CACNA1E: variants seen among roughly 807,000 people sequenced by gnomAD.
The protein encoded by CACNA1E is calcium voltage-gated channel subunit alpha1 E.
Under a neutral mutation model 259.2 loss-of-function variants are expected in CACNA1E, and 40 were observed. The ratio of observed to expected loss-of-function variants is 0.15; its 90% confidence interval spans 0.12 to 0.20. The LOEUF (loss-of-function observed/expected upper bound fraction) is 0.20, where lower values mean the gene tolerates loss of function less well. Ranked by LOEUF, CACNA1E falls within the 10% of genes least tolerant of loss-of-function variation. The pLI, the probability that CACNA1E is intolerant of heterozygous loss-of-function variation, is 1.00. For synonymous variants in CACNA1E, 1,104 were observed against 1,138.5 expected, an observed-to-expected ratio of 0.97 and a Z score of 0.61; for missense variants, 1,874 against 3,040.1, an observed-to-expected ratio of 0.62 and a Z score of 9.02.
At position 181,356,341 on chromosome 1, in the gene CACNA1E, C is replaced by CGTGTGT. The variant is rs141071408; in HGVS notation, c.-15+38235_-15+38240dup. Reference sequence around the variant, plus strand: ...TATTCCCTGGCTGTTGCCTTCTATTCGTGTGTGTGTGTGTGTGTGTGTTCA... The same window carrying CGTGTGT: ...TATTCCCTGGCTGTTGCCTTCTATTCGTGTGTGTGTGTGTGTGTGTGTGTGTGTTCA... On this transcript the variant is annotated intron_variant, in intron 1 of 11. Transcript: ENST00000524607. Among the ~76,000 whole-genome samples the CGTGTGT allele has an allele frequency of 2.6e-4, 38 of 147,080 alleles. No homozygotes were observed. The South Asian group carries it at 4.6e-3, about 18-fold the overall frequency.
In CACNA1E at chr1:181,737,416, G is replaced by A. The variant is rs2280866; in HGVS notation, c.3423-109G>A. 0.41 allele frequency: 542,541 copies of A among 1,317,528 alleles called. 114,946 individuals carry two copies. Among genetic ancestry groups the A allele is most frequent in the Non-Finnish European group, 0.45 (430,606 of 966,426 alleles). The allele number at this position is 1,317,528 out of a possible 1,614,324, so 81.6% of individuals were successfully genotyped here. On this transcript the variant is annotated intron_variant, in intron 22 of 47. Coordinates refer to ENST00000367573, the MANE Select transcript of CACNA1E (RefSeq NM_001205293.3). Reference sequence around the variant, plus strand: ...TTGCTCTCCCTGGCGGCTTCCTTTGGCAAGGGCCTGGCTGTCTGGAAGGGG... The same window carrying A: ...TTGCTCTCCCTGGCGGCTTCCTTTGACAAGGGCCTGGCTGTCTGGAAGGGG...
intron 3 of CACNA1E, 102 bp downstream of exon 3, chr1:181,511,612 T>A: frequency 7.5e-7 from 1 of 1,328,334 alleles, no homozygotes; most frequent in Non-Finnish European, 1.1e-6. Flanking sequence ...CAGCAATCTG[T>A]AGAGTAGGGG....
intron 44 of CACNA1E, among the ~76,000 whole-genome samples, chr1:181,791,766 T>C (rs776084201): frequency 6.6e-6 from 1 of 152,078 alleles, no homozygotes; most frequent in Non-Finnish European, 1.5e-5. Flanking sequence ...TTCCATATCA[T>C]TTAAATTCTG....
At chr1:181,785,095 C>T (rs1007013402) in intron 41 of CACNA1E, among the ~76,000 whole-genome samples, 3 of 152,144 alleles carry the variant, frequency 2.0e-5, no homozygotes, top group Admixed American at 2.0e-4. Context: ...AGTATCGTCA[C>T]CATCACTAGG....
intron 1 of CACNA1E, among the ~76,000 whole-genome samples, chr1:181,509,880 G>T (rs1285516241): frequency 1.3e-5 from 2 of 152,230 alleles, no homozygotes; most frequent in Non-Finnish European, 2.9e-5. Context: ...TCCCCCAGAA[G>T]TACATTGCTG....
chr1:181,658,788 G>A (rs1659415973), intron 7 of CACNA1E, among the ~76,000 whole-genome samples: 1 of 152,198 alleles, frequency 6.6e-6, no homozygotes, highest in South Asian at 2.1e-4. Flanking sequence ...ATTTTAAGGA[G>A]TGTTCACAAT....
intron 7 of CACNA1E, among the ~76,000 whole-genome samples, chr1:181,709,800 C>T (rs1653156779): frequency 6.6e-6 from 1 of 152,066 alleles, no homozygotes; most frequent in African/African-American, 2.4e-5. Context: ...GCCTGCAGCT[C>T]TTTATGGGGA....
chr1:181,382,832 T>G (rs931659269), intron 1 of CACNA1E, among the ~76,000 whole-genome samples: 4 of 152,160 alleles, frequency 2.6e-5, no homozygotes, highest in Non-Finnish European at 5.9e-5. Flanking sequence ...GCTGATCTGG[T>G]CTTATCTTGC....
At chr1:181,458,500 G>T (rs767913783) in intron 2 of CACNA1E, among the ~76,000 whole-genome samples, 1 of 152,194 alleles carries the variant, frequency 6.6e-6, no homozygotes, top group Non-Finnish European at 1.5e-5. Flanking sequence ...GGCAAGAACC[G>T]CAAGGGAACA....
At chr1:181,506,382 G>C (rs1665712204) in intron 1 of CACNA1E, among the ~76,000 whole-genome samples, 1 of 152,180 alleles carries the variant, frequency 6.6e-6, no homozygotes, top group South Asian at 2.1e-4. Flanking sequence ...AGCCTGCAAG[G>C]GTGGGAGTGA....
At chr1:181,477,179 C>T (rs1417023403) in intron 2 of CACNA1E, among the ~76,000 whole-genome samples, 2 of 148,588 alleles carry the variant, frequency 1.3e-5, no homozygotes, top group African/African-American at 5.0e-5. Context: ...ACATCCTAAA[C>T]ATTCATGCTG....
At chr1:181,661,981 G>A (rs1437576905) in intron 7 of CACNA1E, among the ~76,000 whole-genome samples, 12 of 152,158 alleles carry the variant, frequency 7.9e-5, no homozygotes, top group Admixed American at 7.9e-4. Flanking sequence ...AAATGAACAG[G>A]TCCTCCATGA....
chr1:181,457,048 G>T (rs141186784), intron 2 of CACNA1E, among the ~76,000 whole-genome samples: 5 of 152,330 alleles, frequency 3.3e-5, no homozygotes, highest in African/African-American at 1.2e-4. Context: ...CTATAATAAA[G>T]TACCACAAAG....
At chr1:181,616,801 ACTTT>A (rs1216629356) in intron 6 of CACNA1E, among the ~76,000 whole-genome samples, 1 of 152,096 alleles carries the variant, frequency 6.6e-6, no homozygotes, top group African/African-American at 2.4e-5. Context: ...TGAGGTTCAA[ACTTT>A]CTTTGTTTTG....
At chr1:181,498,793 C>T (rs79296070) in intron 1 of CACNA1E, among the ~76,000 whole-genome samples, 2,790 of 152,290 alleles carry the variant, frequency 0.018, 90 homozygotes, top group African/African-American at 0.063. Context: ...CACATTTTCT[C>T]TTCTTTCCTC....
chr1:181,522,242 A>C (rs1050551327), intron 3 of CACNA1E, among the ~76,000 whole-genome samples: 2 of 152,150 alleles, frequency 1.3e-5, no homozygotes, highest in Admixed American at 6.5e-5. Flanking sequence ...ACCAAAACCC[A>C]GTCTACAGAC....
At chr1:181,786,632 T>C (rs1660870705) in intron 43 of CACNA1E, among the ~76,000 whole-genome samples, 1 of 152,226 alleles carries the variant, frequency 6.6e-6, no homozygotes, top group Non-Finnish European at 1.5e-5. Flanking sequence ...TCTCATAACA[T>C]TATATTTCGA....
At chr1:181,655,197 G>T (rs1251527837) in intron 7 of CACNA1E, among the ~76,000 whole-genome samples, 2 of 152,006 alleles carry the variant, frequency 1.3e-5, no homozygotes, top group South Asian at 2.1e-4. Context: ...TTATAGCAGG[G>T]TGATATAAGG....
chr1:181,324,614 G>A (rs1407125983), intron 1 of CACNA1E, among the ~76,000 whole-genome samples: 3 of 152,112 alleles, frequency 2.0e-5, no homozygotes, highest in Admixed American at 6.5e-5. Flanking sequence ...AATGTAAATC[G>A]GGAGTTCAAA....
Sources: allele counts gnomAD v4.1 joint callset (sites outside exome capture counted in the v4.1 genomes callset), GRCh38; gene constraint gnomAD v4.1.1; transcripts MANE v1.5; gene names NCBI Gene and HGNC (gene_info 2026-07-23, HGNC 2026-07-21).